The following ITIH5 variants were observed in gnomAD, a reference collection of about 807,000 sequenced individuals.
ITIH5 encodes inter-alpha-trypsin inhibitor heavy chain 5, also known as inter-alpha-trypsin inhibitor heavy chain H5.
In ITIH5, 65 loss-of-function variants were observed where a neutral mutation model predicts 77.5. The ratio of observed to expected loss-of-function variants is 0.84; its 90% CI spans 0.69 to 1.03. The LOEUF is 1.03. ITIH5 is among the 50% of genes least tolerant of loss of function. The pLI is 0.00. For synonymous variants in ITIH5, 525 were observed against 494.3 expected, an observed-to-expected ratio of 1.06 and a Z score of -0.82; for missense variants, 1,208 against 1,213.1, an observed-to-expected ratio of 1.00 and a Z score of 0.06.
intron 13 of ITIH5, among the ~76,000 whole-genome samples, chr10:7,564,766 CTGTG>C (rs1281458544): frequency 6.6e-6 from 1 of 151,430 alleles, no homozygotes; most frequent in Non-Finnish European, 1.5e-5. Context: ...CATACACAGA[CTGTG>C]TATGTGTACA....
Position 7,561,413 on chromosome 10 carries a change from C to T in ITIH5, c.*1670G>A, listed in dbSNP as rs1393427923. 1 of 152,350 alleles carries T rather than the reference C, an allele frequency of 6.6e-6. No homozygotes were observed. Among genetic ancestry groups the T allele is most frequent in the Non-Finnish European group, 1.5e-5 (1 of 68,124 alleles). The allele number at this position is 152,350 out of a possible 1,614,324, so 9.4% of individuals were successfully genotyped here. ...AGCCTGGCCAGCTCCCTGGCTACCT[C>T]TAGCTGCCGCTCCCTTTCTCTGAGC... On this transcript the variant is annotated 3_prime_UTR_variant, in exon 14 of 14. Transcript: ENST00000397146.
At chr10:7,567,319 T>TTTATTATTATTATTATTATTA (rs59350117) in intron 12 of ITIH5, among the ~76,000 whole-genome samples, 6 of 139,498 alleles carry the variant, frequency 4.3e-5, no homozygotes, top group Non-Finnish European at 7.6e-5. Context: ...TCGGACATCT[T>TTTATTATTATTATTATTATTA]TTATTATTAT....
chr10:7,601,140 C>A (rs142583695), intron 7 of ITIH5, among the ~76,000 whole-genome samples: 1 of 152,122 alleles, frequency 6.6e-6, no homozygotes, highest in Non-Finnish European at 1.5e-5. Context: ...TTTTACTTAT[C>A]CATCTTTCTT....
In ITIH5 at chr10:7,640,692, G is replaced by T. The variant is rs1268603503; in HGVS notation, c.401+62C>A. On this transcript the variant is annotated intron_variant, in intron 4 of 13. Coordinates refer to ENST00000397146, the MANE Select transcript of ITIH5 (RefSeq NM_030569.7). Reference sequence around the variant, plus strand: ...AAGACGACAAGAGGAGTAGGCAAAGGCATAGAAAATGTGGCACTTTGCTAA... The same window carrying T: ...AAGACGACAAGAGGAGTAGGCAAAGTCATAGAAAATGTGGCACTTTGCTAA... The T allele has an allele frequency of 5.1e-6, 5 of 983,342 alleles. No homozygotes were observed. In the East Asian group the frequency reaches 1.2e-4, roughly 23 times the overall value. 60.9% of individuals were successfully genotyped at this position (983,342 alleles called of 1,614,324 possible).
In ITIH5 at chr10:7,559,764, C is replaced by T. The variant is rs758088192; in HGVS notation, c.*3319G>A. On this transcript the variant is annotated 3_prime_UTR_variant, in exon 14 of 14. Coordinates refer to ENST00000397146, the MANE Select transcript of ITIH5 (RefSeq NM_030569.7). ...AGCAGACATGGTGTCTGGTGAGGGC[C>T]GTCTTCCTGGCTTGCAGGTGGCCAT... 8.8e-6 allele frequency: 4 copies of T among 453,674 alleles called. No individual in the cohort carries two copies. Among genetic ancestry groups the T allele is most frequent in the Admixed American group, 4.7e-5 (2 of 42,254 alleles). 28.1% of individuals were successfully genotyped at this position (453,674 alleles called of 1,614,324 possible).
At chr10:7,593,214 A>G (rs555827747) in intron 7 of ITIH5, among the ~76,000 whole-genome samples, 1 of 152,174 alleles carries the variant, frequency 6.6e-6, no homozygotes, top group East Asian at 1.9e-4. Flanking sequence ...CCTCAGCTGC[A>G]ACTTGTCCTT....
At chr10:7,655,490 AACTATGCT>A in intron 2 of ITIH5, 133 bp downstream of exon 2, 1 of 635,750 alleles carries the variant, frequency 1.6e-6, no homozygotes. Context: ...TAAAAGACTC[AACTATGCT>A]GTTTCATCTC....
chr10:7,653,293 G>GCCTCCTGGGTTCAAGCAAT (rs1834130242), intron 2 of ITIH5, among the ~76,000 whole-genome samples: 1 of 152,138 alleles, frequency 6.6e-6, no homozygotes, highest in South Asian at 2.1e-4. Context: ...TGCAACCTAT[G>GCCTCCTGGGTTCAAGCAAT]CCTCCTGGGT....
At chr10:7,633,732 C>T (rs767341015) in intron 5 of ITIH5, among the ~76,000 whole-genome samples, 4 of 151,874 alleles carry the variant, frequency 2.6e-5, no homozygotes, top group Non-Finnish European at 5.9e-5. Context: ...TCTGCAAGTG[C>T]TTAGTCTAGT....
chr10:7,637,028 C>T, intron 5 of ITIH5, among the ~76,000 whole-genome samples, 200 bp downstream of exon 5: 1 of 151,860 alleles, frequency 6.6e-6, no homozygotes, highest in Admixed American at 6.6e-5. Context: ...TCTAGCCTGG[C>T]GACAGAGGAC....
intron 5 of ITIH5, 36 bp from the exon 6 acceptor site, chr10:7,617,318 T>A (rs773105078): frequency 7.0e-6 from 9 of 1,288,334 alleles, no homozygotes; most frequent in African/African-American, 3.2e-5. Flanking sequence ...AATAACTTAA[T>A]ATATATTTTT....
rs530800178 is a variant in ITIH5 at position 7,573,102 on chromosome 10, C to G, written c.2032+40G>C. On this transcript the variant is annotated intron_variant, in intron 11 of 13. Transcript: ENST00000397146. The stretch of plus-strand genomic sequence containing the variant: ...CTGGTTTTACACTTTTTAAACATCT[C>G]TTACTCTCAATCCACACACAACCGC... The G allele has an allele frequency of 5.7e-6, 9 of 1,587,472 alleles. No individual in the cohort carries two copies. In the Admixed American group the frequency reaches 1.3e-4, roughly 24 times the overall value.
chr10:7,600,864 T>C (rs1226527134), intron 7 of ITIH5, among the ~76,000 whole-genome samples: 55 of 152,264 alleles, frequency 3.6e-4, no homozygotes, highest in Admixed American at 3.6e-3. Context: ...TGCGGAGAAC[T>C]TGCATCTATG....
intron 7 of ITIH5, among the ~76,000 whole-genome samples, chr10:7,612,960 C>T (rs563200631): frequency 7.2e-5 from 11 of 152,230 alleles, no homozygotes; most frequent in African/African-American, 2.4e-4. Flanking sequence ...TTGTAGTACA[C>T]AGGGCCGGGC....
intron 7 of ITIH5, among the ~76,000 whole-genome samples, chr10:7,614,259 T>C (rs114716026): frequency 0.022 from 3,361 of 152,308 alleles, 133 homozygotes; most frequent in African/African-American, 0.07. Flanking sequence ...AGTTGGCAGG[T>C]TGCGCTCTGG....
chr10:7,637,274 C>T lies in ITIH5; in HGVS notation c.606G>A (p.Val202=). 6.2e-7 allele frequency: 1 copy of T among 1,611,760 alleles called. No individual in the cohort carries two copies. The highest frequency in any genetic ancestry group is 1.1e-5 in the South Asian group (1 of 91,074). ...LESAGIASLE[V]LPLHNSRQRG... is the part of the protein sequence containing the mutation. ...TCTGCCTGCTGTTGTGAAGCGGCAG[C>T]ACCTCCAGGGATGCGATGCCCGCGC... Residue 202 remains valine (V), a synonymous_variant, in exon 5 of 14, where the codon GTG becomes GTA. Transcript: ENST00000397146.
chr10:7,578,386 T>C (rs1832468191), intron 9 of ITIH5: 1 of 167,438 alleles, frequency 6.0e-6, no homozygotes, highest in Non-Finnish European at 1.5e-5. Flanking sequence ...GTATCGATCA[T>C]AGTTTCAGTG....
chr10:7,655,590 T>C (rs2131106695), intron 2 of ITIH5, 41 bp downstream of exon 2: 3 of 1,511,022 alleles, frequency 2.0e-6, no homozygotes, highest in Non-Finnish European at 2.8e-6. Flanking sequence ...AATAGAAGAA[T>C]GAGGGAATGG....
chr10:7,618,799 T>C (rs1833420100), intron 5 of ITIH5: 1 of 152,220 alleles, frequency 6.6e-6, no homozygotes, highest in African/African-American at 2.4e-5. Flanking sequence ...TAAACTTCCT[T>C]CTGCTGAGGG....
Sources: gnomAD v4.1 joint callset for allele counts (sites outside exome capture counted in the v4.1 genomes callset) on GRCh38, gnomAD v4.1.1 for gene constraint, MANE v1.5 for transcripts, NCBI Gene and HGNC (gene_info 2026-07-23, HGNC 2026-07-21) for gene names.